The following ARPP21 variants were observed in gnomAD, a reference collection of about 807,000 sequenced individuals.
The protein encoded by ARPP21 is cAMP regulated phosphoprotein 21, also known as cAMP-regulated phosphoprotein 21.
ARPP21 carries 69 observed loss-of-function variants against 113.2 expected under a neutral mutation model. The observed-to-expected ratio is 0.61, with a 90% CI of 0.50 to 0.74. ARPP21 has a LOEUF of 0.74. ARPP21 is among the 30% of genes least tolerant of loss of function. The probability of loss-of-function intolerance (pLI) is 0.00; values close to 1 mark genes in which losing one functional copy is unlikely to be tolerated. For missense variants in ARPP21, 1,070 were observed against 1,037.4 expected, an observed-to-expected ratio of 1.03 and a Z score of -0.43; for synonymous variants, 368 against 375.5, an observed-to-expected ratio of 0.98 and a Z score of 0.23.
chr3:35,772,829 A>G (rs2096247717), intron 19 of ARPP21, among the ~76,000 whole-genome samples: 1 of 152,208 alleles, frequency 6.6e-6, no homozygotes, highest in South Asian at 2.1e-4. Context: ...GGGTTGATGC[A>G]TTGATGTCAG....
At chr3:35,651,774 AT>A (rs1702493375) in intron 1 of ARPP21, 1 of 151,738 alleles carries the variant, frequency 6.6e-6, no homozygotes, top group Admixed American at 6.6e-5. Context: ...CCTTATCACT[AT>A]TTTTTCTTGA....
chr3:35,689,659 A>G (rs1252287279), intron 7 of ARPP21, among the ~76,000 whole-genome samples: 1 of 151,668 alleles, frequency 6.6e-6, no homozygotes. Context: ...GTGGAAAAAT[A>G]GCAAATAAAA....
chr3:35,670,661 C>T (rs530983111), intron 1 of ARPP21, among the ~76,000 whole-genome samples: 7 of 152,184 alleles, frequency 4.6e-5, no homozygotes, highest in African/African-American at 9.6e-5. Context: ...CTGCCACAAA[C>T]AAACACACGC....
intron 1 of ARPP21, chr3:35,642,484 T>C (rs762078856): frequency 2.0e-5 from 3 of 152,158 alleles, no homozygotes; most frequent in Non-Finnish European, 4.4e-5. Flanking sequence ...TGGATTTTTG[T>C]TAGAGAATTA....
In ARPP21 at chr3:35,794,291, A is replaced by G. The variant is rs1318744698; in HGVS notation, c.*333A>G. ...ACTTTGTGTTGAGTTTGTGATGCTA[A>G]AAGTATTTAAAAATTATATACTAAA... On this transcript the variant is annotated 3_prime_UTR_variant, in exon 21 of 21. Transcript: ENST00000684406. 3.6e-6 allele frequency: 1 copy of G among 280,068 alleles called. No homozygotes were observed. Among genetic ancestry groups the G allele is most frequent in the Non-Finnish European group, 6.8e-6 (1 of 147,934 alleles). 17.3% of individuals were successfully genotyped at this position (280,068 alleles called of 1,614,324 possible).
At chr3:35,649,526 A>G (rs553051998) in intron 1 of ARPP21, among the ~76,000 whole-genome samples, 17 of 152,318 alleles carry the variant, frequency 1.1e-4, no homozygotes, top group Admixed American at 3.3e-4. Flanking sequence ...ATTGTTACAC[A>G]GAGCTAAAGG....
At chr3:35,674,348 C>A (rs1339747659) in intron 1 of ARPP21, among the ~76,000 whole-genome samples, 1 of 151,908 alleles carries the variant, frequency 6.6e-6, no homozygotes. Flanking sequence ...AAGATCCCAA[C>A]AGTATTATTT....
intron 19 of ARPP21, among the ~76,000 whole-genome samples, chr3:35,764,875 T>C (rs1201089808): frequency 2.0e-5 from 3 of 152,170 alleles, no homozygotes; most frequent in African/African-American, 7.2e-5. Flanking sequence ...GAATTTTACA[T>C]TCTTATTGAG....
chr3:35,692,923 T>A (rs2082664225), intron 9 of ARPP21, among the ~76,000 whole-genome samples: 1 of 151,768 alleles, frequency 6.6e-6, no homozygotes, highest in Admixed American at 6.6e-5. Flanking sequence ...TCTTTTTAAA[T>A]CCTTGTGTTT....
At chr3:35,705,652 C>T (rs186213078) in intron 9 of ARPP21, among the ~76,000 whole-genome samples, 57 of 152,172 alleles carry the variant, frequency 3.7e-4, no homozygotes, top group Middle Eastern at 3.4e-3. Flanking sequence ...AATTCATAAA[C>T]GTGAAATCAA....
chr3:35,750,439 T>C (rs945225425), intron 19 of ARPP21, among the ~76,000 whole-genome samples: 2 of 152,196 alleles, frequency 1.3e-5, no homozygotes, highest in African/African-American at 2.4e-5. Flanking sequence ...ATATTCTGTA[T>C]GATTTCAGTT....
chr3:35,768,286 C>G (rs1046816291), intron 19 of ARPP21, among the ~76,000 whole-genome samples: 6 of 151,950 alleles, frequency 3.9e-5, no homozygotes, highest in Non-Finnish European at 7.4e-5. Context: ...TCTTTTAATC[C>G]ATGGAAGGAA....
chr3:35,673,238 T>C (rs1339005782), intron 1 of ARPP21, among the ~76,000 whole-genome samples: 1 of 152,088 alleles, frequency 6.6e-6, no homozygotes, highest in African/African-American at 2.4e-5. Flanking sequence ...CTAATCTCTC[T>C]CTGCCCTCTG....
At chr3:35,716,564 C>A (rs2092431963) in intron 12 of ARPP21, among the ~76,000 whole-genome samples, 2 of 152,016 alleles carry the variant, frequency 1.3e-5, no homozygotes. Context: ...TATATTTAGA[C>A]AAATATTCCC....
chr3:35,715,662 A>C (rs2092286320), intron 12 of ARPP21, 186 bp downstream of exon 12: 1 of 425,408 alleles, frequency 2.4e-6, no homozygotes. Flanking sequence ...TTTGGAAAAA[A>C]AATTTTCTTT....
rs1172339524 is a variant in ARPP21, at chr3:35,755,126, T to C, written c.2137+11161T>C. Among the ~76,000 whole-genome samples, 5 of 152,016 alleles carry C rather than the reference T, an allele frequency of 3.3e-5. No individual in the cohort carries two copies. In the East Asian group the frequency reaches 9.7e-4, roughly 29 times the overall value. On this transcript the variant is annotated intron_variant, in intron 19 of 20. Coordinates refer to ENST00000684406, the MANE Select transcript of ARPP21 (RefSeq NM_001385562.1). ...TCCAAGAATGTGATTTACCTGATTA[T>C]TTAACTGAATGAAATCTTGACTCTC...
chr3:35,707,756 C>T (rs567040218), intron 10 of ARPP21, among the ~76,000 whole-genome samples: 103 of 151,870 alleles, frequency 6.8e-4, no homozygotes, highest in African/African-American at 2.3e-3. Context: ...ATTTGTGGTA[C>T]CCGGACAGGA....
intron 18 of ARPP21, among the ~76,000 whole-genome samples, chr3:35,740,200 C>T (rs938385196): frequency 5.0e-4 from 76 of 152,290 alleles, no homozygotes; most frequent in African/African-American, 1.8e-3. Context: ...ACTGTCTTCT[C>T]AAAGACTGAT....
At chr3:35,662,856 G>A (rs1004672188) in intron 1 of ARPP21, among the ~76,000 whole-genome samples, 1 of 152,082 alleles carries the variant, frequency 6.6e-6, no homozygotes, top group Admixed American at 6.6e-5. Context: ...GTATCTGGGA[G>A]CTAAAAATTT....
Sources: gnomAD v4.1 joint callset for allele counts (sites outside exome capture counted in the v4.1 genomes callset) on GRCh38, gnomAD v4.1.1 for gene constraint, MANE v1.5 for transcripts, NCBI Gene and HGNC (gene_info 2026-07-23, HGNC 2026-07-21) for gene names.